The following PDLIM5 variants were observed in gnomAD, a reference collection of about 807,000 sequenced individuals.
The protein encoded by PDLIM5 is PDZ and LIM domain 5, also known as PDZ and LIM domain protein 5.
Under a neutral mutation model 64.2 loss-of-function variants are expected in PDLIM5, and 34 were observed. The ratio of observed to expected loss-of-function variants is 0.53; its 90% CI spans 0.40 to 0.71. PDLIM5 has a LOEUF of 0.71. Among genes scored for constraint, PDLIM5 ranks in the 30% least tolerant of loss-of-function variants. The pLI, the probability that PDLIM5 is intolerant of heterozygous loss-of-function variation, is 0.00. For missense variants in PDLIM5, 683 were observed against 733.6 expected (o/e 0.93, Z 0.80); for synonymous variants, 253 against 269.1 (o/e 0.94, Z 0.59).
chr4:94,494,432 G>GTTTTTTTTTTTTTTTTTTTTTT (rs61675663), intron 2 of PDLIM5, among the ~76,000 whole-genome samples: 4 of 70,770 alleles, frequency 5.7e-5, no homozygotes, highest in Non-Finnish European at 8.3e-5. Context: ...TTTTTTTCTT[G>GTTTTTTTTTTTTTTTTTTTTTT]TTTTTTTTTT....
intron 7 of PDLIM5, among the ~76,000 whole-genome samples, chr4:94,597,738 T>C (rs1467925661): frequency 6.6e-6 from 1 of 151,926 alleles, no homozygotes; most frequent in African/African-American, 2.4e-5. Context: ...GGAAAGAAAA[T>C]AGAAGAGTGG....
chr4:94,609,313 C>A (rs12639980), intron 7 of PDLIM5, among the ~76,000 whole-genome samples: 55,206 of 152,068 alleles, frequency 0.36, 11,927 homozygotes, highest in South Asian at 0.66. Context: ...TTTATACACT[C>A]TTTTTATTTT....
intron 2 of PDLIM5, among the ~76,000 whole-genome samples, chr4:94,494,906 G>A (rs995589876): frequency 3.3e-5 from 5 of 151,874 alleles, no homozygotes; most frequent in African/African-American, 4.8e-5. Flanking sequence ...ACGTCGCCAC[G>A]CCCGGATAAT....
At chr4:94,645,751 G>A (rs577610026) in intron 9 of PDLIM5, among the ~76,000 whole-genome samples, 12 of 152,010 alleles carry the variant, frequency 7.9e-5, no homozygotes, top group Non-Finnish European at 1.3e-4. Context: ...TTCTCTCTCC[G>A]ACTTCAGTCT....
At chr4:94,570,606 C>A (rs1734723931) in intron 3 of PDLIM5, among the ~76,000 whole-genome samples, 1 of 152,178 alleles carries the variant, frequency 6.6e-6, no homozygotes. Context: ...GTATTTGGAA[C>A]AGTAGACTAG....
intron 3 of PDLIM5, among the ~76,000 whole-genome samples, chr4:94,554,413 T>C (rs1733079014): frequency 6.6e-6 from 1 of 152,222 alleles, no homozygotes; most frequent in African/African-American, 2.4e-5. Flanking sequence ...TTGATAGATA[T>C]CCATCTAGTC....
At chr4:94,618,877 C>A (rs1481337873) in intron 8 of PDLIM5, among the ~76,000 whole-genome samples, 17 of 152,188 alleles carry the variant, frequency 1.1e-4, no homozygotes. Context: ...CCCCTTTTAA[C>A]AGGAAAATGG....
intron 8 of PDLIM5, among the ~76,000 whole-genome samples, chr4:94,639,316 A>T (rs140203255): frequency 2.0e-4 from 31 of 152,286 alleles, no homozygotes; most frequent in Non-Finnish European, 4.1e-4. Context: ...GACTACATTC[A>T]GGGGTCAAAT....
At chr4:94,516,123 C>T (rs1231966842) in intron 2 of PDLIM5, among the ~76,000 whole-genome samples, 1 of 152,134 alleles carries the variant, frequency 6.6e-6, no homozygotes, top group East Asian at 1.9e-4. Context: ...TAAATAAGGG[C>T]TCATCATAGG....
intron 2 of PDLIM5, among the ~76,000 whole-genome samples, chr4:94,491,673 T>G (rs1036344963): frequency 3.3e-5 from 5 of 152,098 alleles, no homozygotes; most frequent in Non-Finnish European, 7.4e-5. Flanking sequence ...TAGGGGTTTC[T>G]TGTGCCGGAA....
At chr4:94,632,529 T>G (rs1189942925) in intron 8 of PDLIM5, among the ~76,000 whole-genome samples, 1 of 152,032 alleles carries the variant, frequency 6.6e-6, no homozygotes, top group Non-Finnish European at 1.5e-5. Context: ...AAAATTACTG[T>G]GTTGGGAGAT....
chr4:94,601,556 C>G (rs1737499115), intron 7 of PDLIM5, among the ~76,000 whole-genome samples: 1 of 152,108 alleles, frequency 6.6e-6, no homozygotes, highest in Admixed American at 6.5e-5. Flanking sequence ...TTGAGTTAGT[C>G]CTTCTTTGCT....
chr4:94,527,046 C>CTTTTTTTT lies in PDLIM5; in HGVS notation c.248+3192_248+3199dup. Among the ~76,000 whole-genome samples, 52 of 57,810 alleles carry CTTTTTTTT rather than the reference C, an allele frequency of 9.0e-4. 7 individuals carry two copies. Among genetic ancestry groups the CTTTTTTTT allele is most frequent in the Non-Finnish European group, 1.2e-3 (36 of 30,992 alleles). 37.9% of individuals were successfully genotyped at this position (57,810 alleles called of 152,430 possible). ...CATTGCGCCCGGCCTGAACAGCATT[C>CTTTTTTTT]TTTTTTTTTTTTTTTTTTTTTTTTT... On this transcript the variant is annotated intron_variant, in intron 3 of 12. Transcript: ENST00000317968.
chr4:94,503,478 A>G (rs1220390121), intron 2 of PDLIM5, among the ~76,000 whole-genome samples: 4 of 152,218 alleles, frequency 2.6e-5, no homozygotes, highest in Non-Finnish European at 4.4e-5. Flanking sequence ...CTCATCGTGT[A>G]GTAGGAAGAT....
intron 2 of PDLIM5, among the ~76,000 whole-genome samples, chr4:94,505,879 A>G (rs1454581029): frequency 6.6e-6 from 1 of 152,114 alleles, no homozygotes; most frequent in Non-Finnish European, 1.5e-5. Context: ...AGGAGGCTTC[A>G]TTATGTAGTT....
intron 2 of PDLIM5, among the ~76,000 whole-genome samples, chr4:94,475,084 G>A (rs1725207183): frequency 6.6e-6 from 1 of 151,488 alleles, no homozygotes; most frequent in African/African-American, 2.4e-5. Flanking sequence ...TTATCCCACT[G>A]AAAAGTTTTA....
intron 7 of PDLIM5, among the ~76,000 whole-genome samples, chr4:94,617,644 CAAA>C (rs61055444): frequency 1.5e-5 from 1 of 66,604 alleles, no homozygotes; most frequent in East Asian, 5.3e-4. Flanking sequence ...CCTGTGTCTA[CAAA>C]AAAAAAAAAA....
rs1170390647 is a variant in PDLIM5 at position 94,666,194 on chromosome 4, T to C, written c.*2127T>C. 3.6e-6 allele frequency: 2 copies of C among 552,644 alleles called. No individual in the cohort carries two copies. The highest frequency in any genetic ancestry group is 3.8e-5 in the African/African-American group (2 of 52,178). 34.2% of individuals were successfully genotyped at this position (552,644 alleles called of 1,614,324 possible). A position where few individuals can be genotyped will look rare whatever the true frequency, so the allele number is the denominator to read the frequency against. The stretch of plus-strand genomic sequence containing the variant: ...AGAGGAGGTTTTAGGCTACAATATT[T>C]GTTTAACCTCCCTAAGAACTTTCAA... On this transcript the variant is annotated 3_prime_UTR_variant, in exon 13 of 13. Transcript: ENST00000317968.
chr4:94,623,613 A>ATC (rs75278735), intron 8 of PDLIM5, among the ~76,000 whole-genome samples: 7,352 of 152,178 alleles, frequency 0.048, 531 homozygotes, highest in East Asian at 0.32. Flanking sequence ...AGTCATACTG[A>ATC]TCTGTTTTAC....
Sources: gnomAD v4.1 joint callset for allele counts (sites outside exome capture counted in the v4.1 genomes callset) on GRCh38, gnomAD v4.1.1 for gene constraint, MANE v1.5 for transcripts, NCBI Gene and HGNC (gene_info 2026-07-23, HGNC 2026-07-21) for gene names.